Variants in LDHC observed in about 807,000 individuals in gnomAD.
LDHC encodes the protein lactate dehydrogenase C, also known as L-lactate dehydrogenase C chain.
In LDHC, 20 loss-of-function variants were observed where a neutral mutation model predicts 30.2. The ratio of observed to expected loss-of-function variants is 0.66; its 90% CI spans 0.47 to 0.96. LDHC has a LOEUF of 0.96. Ranked by LOEUF, LDHC falls within the 40% of genes least tolerant of loss-of-function variation. The pLI, the probability that LDHC is intolerant of heterozygous loss-of-function variation, is 0.00. For missense variants in LDHC, 362 were observed against 394.9 expected, an observed-to-expected ratio of 0.92 and a Z score of 0.71; for synonymous variants, 139 against 132.7, an observed-to-expected ratio of 1.05 and a Z score of -0.32.
chr11:18,412,901 T>C (rs1866920111), intron 2 of LDHC, 58 bp downstream of exon 2: 4 of 1,540,944 alleles, frequency 2.6e-6, no homozygotes, highest in African/African-American at 1.4e-5. Context: ...GAGTGTTGTA[T>C]ATGTCGATGT....
Position 18,451,266 on chromosome 11 carries a change from G to T in LDHC, c.*139G>T. The T allele has an allele frequency of 1.9e-6, 1 of 535,464 alleles. No individual in the cohort carries two copies. The allele number at this position is 535,464 out of a possible 1,614,324, so 33.2% of individuals were successfully genotyped here. On this transcript the variant is annotated 3_prime_UTR_variant, in exon 8 of 8. Coordinates refer to ENST00000541669, the MANE Select transcript of LDHC (RefSeq NM_017448.5). ...CTGTGACATAACTCTAGTCTCTCAA[G>T]ATTAGAACGAGCAAATGGTAAAGAG...
chr11:18,432,188 A>C (rs1423551168), intron 4 of LDHC, among the ~76,000 whole-genome samples: 1 of 152,190 alleles, frequency 6.6e-6, no homozygotes, highest in African/African-American at 2.4e-5. Flanking sequence ...GATTAGAAGA[A>C]TTTTTAATTT....
intron 7 of LDHC, 111 bp from the exon 8 acceptor site, chr11:18,450,852 G>A (rs539722337): frequency 2.8e-5 from 21 of 739,870 alleles, no homozygotes; most frequent in African/African-American, 7.4e-5. Context: ...CCCTCTGAGC[G>A]ATTCTTGTTG....
intron 7 of LDHC, chr11:18,450,100 G>A (rs1400079401): frequency 6.6e-6 from 1 of 151,834 alleles, no homozygotes; most frequent in Admixed American, 6.6e-5. Context: ...TTTTTTGGGG[G>A]TATATTGAGT....
At chr11:18,439,824 A>AAC (rs1554964756) in intron 6 of LDHC, among the ~76,000 whole-genome samples, 4 of 142,196 alleles carry the variant, frequency 2.8e-5, no homozygotes, top group African/African-American at 5.3e-5. Flanking sequence ...AAAAAAAAAA[A>AAC]AAAAAAAAAA....
At chr11:18,421,241 C>G (rs1313919762) in intron 3 of LDHC, among the ~76,000 whole-genome samples, 1 of 151,830 alleles carries the variant, frequency 6.6e-6, no homozygotes, top group African/African-American at 2.4e-5. Context: ...TTTTAGAAGA[C>G]ATGGGGTTTC....
intron 3 of LDHC, among the ~76,000 whole-genome samples, chr11:18,421,654 CAA>C (rs1848055498): frequency 6.6e-6 from 1 of 151,622 alleles, no homozygotes; most frequent in South Asian, 2.1e-4. Flanking sequence ...GCCTGGGTGA[CAA>C]GAGCAAAACT....
At chr11:18,448,199 A>G (rs1848588088) in intron 7 of LDHC, among the ~76,000 whole-genome samples, 1 of 152,190 alleles carries the variant, frequency 6.6e-6, no homozygotes, top group Non-Finnish European at 1.5e-5. Flanking sequence ...GGAAGTGTCA[A>G]ATGAGTAATC....
intron 7 of LDHC, chr11:18,450,201 T>C: frequency 6.5e-6 from 1 of 154,446 alleles, no homozygotes; most frequent in Non-Finnish European, 1.4e-5. Context: ...GCCCAGGTTG[T>C]AATAGGCTCT....
chr11:18,432,575 T>C (rs1037040715), intron 4 of LDHC, among the ~76,000 whole-genome samples: 7 of 152,058 alleles, frequency 4.6e-5, no homozygotes, highest in African/African-American at 1.7e-4. Context: ...AAGTCCCCAC[T>C]ATTATTGTGT....
intron 3 of LDHC, among the ~76,000 whole-genome samples, chr11:18,417,660 G>A (rs1205141491): frequency 1.3e-5 from 2 of 152,066 alleles, no homozygotes; most frequent in South Asian, 2.1e-4. Context: ...GAGCCACCAC[G>A]CCCAACCCAT....
intron 3 of LDHC, among the ~76,000 whole-genome samples, chr11:18,419,219 C>CACTGTATTA (rs1471867137): frequency 2.0e-5 from 3 of 152,168 alleles, no homozygotes; most frequent in Non-Finnish European, 4.4e-5. Flanking sequence ...CAAAAGGAAG[C>CACTGTATTA]CACAGACAAT....
At chr11:18,442,128 C>G (rs527965593) in intron 6 of LDHC, among the ~76,000 whole-genome samples, 3 of 152,114 alleles carry the variant, frequency 2.0e-5, no homozygotes, top group Non-Finnish European at 4.4e-5. Context: ...CACTTCCTGT[C>G]ACATAGCCCT....
At chr11:18,414,027 G>A (rs966102495) in intron 2 of LDHC, among the ~76,000 whole-genome samples, 1 of 152,084 alleles carries the variant, frequency 6.6e-6, no homozygotes. Flanking sequence ...TTCTCTGTTG[G>A]CTTAATTCGT....
chr11:18,436,733 G>A (rs771621986), intron 5 of LDHC, among the ~76,000 whole-genome samples: 12 of 151,934 alleles, frequency 7.9e-5, no homozygotes, highest in African/African-American at 2.4e-4. Context: ...TGATCCACCC[G>A]CCACAGCCTT....
intron 3 of LDHC, among the ~76,000 whole-genome samples, chr11:18,416,218 T>C (rs1328113998): frequency 6.6e-6 from 1 of 152,084 alleles, no homozygotes; most frequent in East Asian, 1.9e-4. Flanking sequence ...TCTTGAAGAG[T>C]TTCTGTAATA....
intron 3 of LDHC, among the ~76,000 whole-genome samples, chr11:18,424,915 G>T (rs926869954): frequency 1.3e-5 from 2 of 152,166 alleles, no homozygotes; most frequent in Non-Finnish European, 2.9e-5. Flanking sequence ...GGCTGAGGCA[G>T]GAGAATCGCT....
At chr11:18,429,700 A>T (rs1398585562) in intron 3 of LDHC, 37 bp from the exon 4 acceptor site, 2 of 1,268,336 alleles carry the variant, frequency 1.6e-6, no homozygotes, top group African/African-American at 2.9e-5. Context: ...GGTTATGGTA[A>T]TGTTGATCCA....
At chr11:18,442,920 C>G (rs1281265109) in intron 6 of LDHC, among the ~76,000 whole-genome samples, 2 of 152,082 alleles carry the variant, frequency 1.3e-5, no homozygotes, top group African/African-American at 4.8e-5. Flanking sequence ...GCCTCAGCCT[C>G]CTGAAGCCAC....
Sources: gnomAD v4.1 joint callset for allele counts (sites outside exome capture counted in the v4.1 genomes callset) on GRCh38, gnomAD v4.1.1 for gene constraint, MANE v1.5 for transcripts, NCBI Gene and HGNC (gene_info 2026-07-23, HGNC 2026-07-21) for gene names.